The following FAM162A variants were observed in gnomAD, a reference collection of about 807,000 sequenced individuals.
FAM162A encodes family with sequence similarity 162 member A.
In FAM162A, 23 loss-of-function variants were observed where a neutral mutation model predicts 21.8. The ratio of observed to expected loss-of-function variants is 1.05; its 90% CI spans 0.76 to 1.49. FAM162A has a LOEUF of 1.49. Among genes scored for constraint, FAM162A ranks in the 40% most tolerant of loss-of-function variants. The pLI, the probability that FAM162A is intolerant of heterozygous loss-of-function variation, is 0.00. For synonymous variants in FAM162A, 53 were observed against 61.3 expected (o/e 0.86, Z 0.64); for missense variants, 165 against 186.4 (o/e 0.89, Z 0.67).
intron 2 of FAM162A, among the ~76,000 whole-genome samples, chr3:122,403,274 C>T (rs2075661106): frequency 6.6e-6 from 1 of 152,198 alleles, no homozygotes; most frequent in Admixed American, 6.5e-5. Flanking sequence ...GCAGACCTCC[C>T]ATGTTGTATT....
intron 4 of FAM162A, chr3:122,407,655 A>G (rs1414682413): frequency 2.1e-6 from 1 of 484,068 alleles, no homozygotes; most frequent in Non-Finnish European, 3.7e-6. Flanking sequence ...GTTTCTGATG[A>G]CAGGTGTCAT....
intron 1 of FAM162A, among the ~76,000 whole-genome samples, chr3:122,401,051 A>G (rs2075651124): frequency 6.6e-6 from 1 of 152,236 alleles, no homozygotes; most frequent in Non-Finnish European, 1.5e-5. Context: ...TTTGCCAGCA[A>G]GAGTCTTGTG....
At position 122,407,269 on chromosome 3, in the gene FAM162A, T is replaced by C; in HGVS notation, c.264-12T>C. ...TTAATAACTTTCTCTCATGATCTCA[T>C]TGTATTACTAGGTTGGAGATGCTTG... On this transcript the variant is annotated splice_polypyrimidine_tract_variant and intron_variant, in intron 3 of 4. Coordinates refer to ENST00000477892, the MANE Select transcript of FAM162A (RefSeq NM_014367.4). The C allele has an allele frequency of 6.2e-7, 1 of 1,609,700 alleles. No individual in the cohort carries two copies. The highest frequency in any genetic ancestry group is 2.2e-5 in the East Asian group (1 of 44,844).
chr3:122,406,089 C>A (rs888289666), intron 3 of FAM162A, among the ~76,000 whole-genome samples: 6 of 152,144 alleles, frequency 3.9e-5, no homozygotes, highest in Admixed American at 1.3e-4. Context: ...TAAAGTACTC[C>A]CCTCCCCAAT....
chr3:122,401,027 G>A (rs1323400406), intron 1 of FAM162A, among the ~76,000 whole-genome samples: 1 of 152,164 alleles, frequency 6.6e-6, no homozygotes, highest in Admixed American at 6.5e-5. Flanking sequence ...CTATGAAAAT[G>A]TCTTATCCTA....
intron 1 of FAM162A, among the ~76,000 whole-genome samples, chr3:122,396,113 T>G (rs986761102): frequency 4.6e-5 from 7 of 152,150 alleles, no homozygotes; most frequent in African/African-American, 1.7e-4. Flanking sequence ...AGTAAATCTT[T>G]GTGATATCGT....
intron 1 of FAM162A, among the ~76,000 whole-genome samples, chr3:122,388,178 G>A (rs879476660): frequency 2.0e-4 from 31 of 152,302 alleles, no homozygotes; most frequent in Admixed American, 1.5e-3. Context: ...TGGAAATAAC[G>A]AATATATTTA....
intron 1 of FAM162A, among the ~76,000 whole-genome samples, chr3:122,385,880 T>A (rs1209375706): frequency 6.6e-6 from 1 of 152,212 alleles, no homozygotes; most frequent in Non-Finnish European, 1.5e-5. Context: ...AATACTTTCA[T>A]ATACATTATT....
At chr3:122,409,423 G>A (rs1490519000) in intron 4 of FAM162A, among the ~76,000 whole-genome samples, 1 of 152,080 alleles carries the variant, frequency 6.6e-6, no homozygotes, top group Admixed American at 6.6e-5. Context: ...AAGGTATTTA[G>A]TATAAAAGAG....
At chr3:122,391,951 T>C (rs1445306618) in intron 1 of FAM162A, among the ~76,000 whole-genome samples, 1 of 152,218 alleles carries the variant, frequency 6.6e-6, no homozygotes, top group African/African-American at 2.4e-5. Flanking sequence ...AACATATGTA[T>C]AACTTTCTCC....
intron 1 of FAM162A, among the ~76,000 whole-genome samples, chr3:122,398,405 A>G (rs2075639013): frequency 1.3e-5 from 2 of 152,236 alleles, no homozygotes; most frequent in Admixed American, 6.5e-5. Flanking sequence ...CAAAATTGGC[A>G]TATGCCTATT....
chr3:122,408,963 A>C (rs1426552108), intron 4 of FAM162A, among the ~76,000 whole-genome samples: 1 of 152,100 alleles, frequency 6.6e-6, no homozygotes, highest in Admixed American at 6.6e-5. Context: ...GGAAGAGAAA[A>C]ATTAGCCATT....
intron 4 of FAM162A, among the ~76,000 whole-genome samples, chr3:122,408,366 C>A (rs1256333995): frequency 6.6e-6 from 1 of 152,156 alleles, no homozygotes; most frequent in Non-Finnish European, 1.5e-5. Context: ...ATGTATAATT[C>A]TATATATCAC....
At chr3:122,389,949 A>G (rs1035745576) in intron 1 of FAM162A, among the ~76,000 whole-genome samples, 1 of 152,162 alleles carries the variant, frequency 6.6e-6, no homozygotes, top group African/African-American at 2.4e-5. Flanking sequence ...AAAGGTTTTT[A>G]CATAGTGAGA....
intron 3 of FAM162A, 142 bp downstream of exon 3, chr3:122,404,505 G>C: frequency 2.1e-6 from 1 of 484,874 alleles, no homozygotes. Flanking sequence ...TTTATCTTTG[G>C]TAAGTACTTG....
intron 3 of FAM162A, among the ~76,000 whole-genome samples, chr3:122,406,108 T>C (rs544488020): frequency 6.6e-6 from 1 of 152,332 alleles, no homozygotes; most frequent in South Asian, 2.1e-4. Context: ...ATTTTAAAAG[T>C]AATATATGTT....
rs751970794 is a variant in FAM162A, at chr3:122,407,415, A to G, written c.372+26A>G. On this transcript the variant is annotated intron_variant, in intron 4 of 4. Transcript: ENST00000477892. ...GTGAGAAGGGGTTTCTTCTCTATCC[A>G]GTATGTATGTTCTCCACCAAGAACC... The G allele has an allele frequency of 1.9e-6, 3 of 1,547,226 alleles. No individual in the cohort carries two copies. The African/African-American group carries it at 4.1e-5, about 21-fold the overall frequency.
At chr3:122,400,387 G>A (rs1397038885) in intron 1 of FAM162A, among the ~76,000 whole-genome samples, 5 of 152,154 alleles carry the variant, frequency 3.3e-5, no homozygotes, top group Admixed American at 3.3e-4. Context: ...GGGGGTTTAG[G>A]GGAGGGATAG....
At chr3:122,403,962 C>T (rs935979071) in intron 2 of FAM162A, among the ~76,000 whole-genome samples, 3 of 152,168 alleles carry the variant, frequency 2.0e-5, no homozygotes, top group Non-Finnish European at 4.4e-5. Flanking sequence ...CCAATCAAGT[C>T]TAAACCCCTT....
Sources: gnomAD v4.1 joint callset for allele counts (sites outside exome capture counted in the v4.1 genomes callset) on GRCh38, gnomAD v4.1.1 for gene constraint, MANE v1.5 for transcripts, NCBI Gene and HGNC (gene_info 2026-07-23, HGNC 2026-07-21) for gene names.